The following DNAJC1 variants were observed in gnomAD, a reference collection of about 807,000 sequenced individuals.
The protein encoded by DNAJC1 is dnaJ homolog subfamily C member 1.
In DNAJC1, 58 loss-of-function variants were observed where a neutral mutation model predicts 76.6. The ratio of observed to expected loss-of-function variants is 0.76; its 90% CI spans 0.61 to 0.94. The LOEUF is 0.94. Ranked by LOEUF, DNAJC1 falls within the 40% of genes least tolerant of loss-of-function variation. The pLI is 0.00. For missense variants in DNAJC1, 689 were observed against 677.3 expected, an observed-to-expected ratio of 1.02 and a Z score of -0.19; for synonymous variants, 258 against 267.9, an observed-to-expected ratio of 0.96 and a Z score of 0.36.
At chr10:21,869,909 TC>T (rs1836074771) in intron 8 of DNAJC1, among the ~76,000 whole-genome samples, 1 of 152,058 alleles carries the variant, frequency 6.6e-6, no homozygotes, top group African/African-American at 2.4e-5. Flanking sequence ...TTCCCATCAA[TC>T]TATAATTTTA....
chr10:21,877,095 G>C (rs1345450092), intron 8 of DNAJC1, among the ~76,000 whole-genome samples: 7 of 151,986 alleles, frequency 4.6e-5, no homozygotes, highest in Non-Finnish European at 5.9e-5. Context: ...GCAGCACAGG[G>C]AGACCCAAAC....
At chr10:21,883,802 A>G (rs552781129) in intron 7 of DNAJC1, among the ~76,000 whole-genome samples, 1 of 152,346 alleles carries the variant, frequency 6.6e-6, no homozygotes, top group South Asian at 2.1e-4. Context: ...CCAGGAAAAG[A>G]TTCCAAATTC....
At chr10:21,799,864 A>T (rs142286293) in intron 9 of DNAJC1, among the ~76,000 whole-genome samples, 2 of 152,184 alleles carry the variant, frequency 1.3e-5, no homozygotes, top group African/African-American at 4.8e-5. Context: ...CTAGATTCAG[A>T]ACCATTTCCC....
chr10:21,891,064 C>A (rs1261958226), intron 7 of DNAJC1, among the ~76,000 whole-genome samples: 1 of 152,032 alleles, frequency 6.6e-6, no homozygotes, highest in Admixed American at 6.6e-5. Flanking sequence ...GTAGTGCATG[C>A]CTGTAATCCC....
At chr10:21,934,701 C>T (rs1008543712) in intron 1 of DNAJC1, among the ~76,000 whole-genome samples, 5 of 152,124 alleles carry the variant, frequency 3.3e-5, no homozygotes, top group African/African-American at 1.2e-4. Flanking sequence ...ATAGGTTATA[C>T]CATATAGCCT....
intron 3 of DNAJC1, among the ~76,000 whole-genome samples, chr10:21,926,853 T>C (rs979320861): frequency 2.6e-5 from 4 of 152,352 alleles, no homozygotes; most frequent in East Asian, 1.9e-4. Flanking sequence ...ATGTTATTTA[T>C]TAATAGATGA....
chr10:21,901,164 T>G (rs1836646404), intron 7 of DNAJC1, among the ~76,000 whole-genome samples: 1 of 152,222 alleles, frequency 6.6e-6, no homozygotes, highest in African/African-American at 2.4e-5. Context: ...TATTTCTCCA[T>G]ATTTAAATGA....
intron 1 of DNAJC1, among the ~76,000 whole-genome samples, chr10:21,970,594 T>C (rs747468438): frequency 5.3e-5 from 8 of 151,976 alleles, no homozygotes; most frequent in Non-Finnish European, 1.0e-4. Context: ...TTTTCCTTTG[T>C]AGACCTTGAC....
intron 3 of DNAJC1, among the ~76,000 whole-genome samples, chr10:21,927,034 T>A (rs1837139383): frequency 6.6e-6 from 1 of 152,212 alleles, no homozygotes; most frequent in Admixed American, 6.5e-5. Flanking sequence ...AAGCTACCTT[T>A]ACAGGCACAT....
chr10:21,972,670 T>C (rs1019891053), intron 1 of DNAJC1, among the ~76,000 whole-genome samples: 1 of 152,060 alleles, frequency 6.6e-6, no homozygotes, highest in Non-Finnish European at 1.5e-5. Flanking sequence ...ATTTGTCCAG[T>C]ATAAAACATT....
chr10:21,881,305 T>C (rs953329952), intron 8 of DNAJC1, among the ~76,000 whole-genome samples: 4 of 152,240 alleles, frequency 2.6e-5, no homozygotes, highest in African/African-American at 9.6e-5. Context: ...ACAGCACTTT[T>C]AATTTCCTTC....
intron 8 of DNAJC1, among the ~76,000 whole-genome samples, chr10:21,822,486 T>G (rs1835176884): frequency 6.6e-6 from 1 of 151,466 alleles, no homozygotes; most frequent in African/African-American, 2.4e-5. Flanking sequence ...AATAAATAAA[T>G]AAATACATGG....
At chr10:21,908,880 ATTTC>A (rs1242749241) in intron 6 of DNAJC1, among the ~76,000 whole-genome samples, 5 of 151,626 alleles carry the variant, frequency 3.3e-5, no homozygotes, top group East Asian at 1.9e-4. Context: ...AGTACTTAAA[ATTTC>A]TTTCTTTTTT....
intron 8 of DNAJC1, among the ~76,000 whole-genome samples, chr10:21,851,972 G>A (rs1325923476): frequency 1.3e-5 from 2 of 151,902 alleles, no homozygotes; most frequent in Non-Finnish European, 2.9e-5. Flanking sequence ...AGAATGGTGT[G>A]AACCCGGGAG....
rs781432147 is a variant in DNAJC1, at chr10:21,904,583, T to C, written c.759A>G (p.Lys253=). The change falls in exon 7 of 12, where the codon AAA becomes AAG. Residue 253 remains lysine, a synonymous_variant. Coordinates refer to ENST00000376980, the MANE Select transcript of DNAJC1 (RefSeq NM_022365.4). The stretch of plus-strand genomic sequence containing the variant: ...CTTCCTTTTCCTTCAATCTTGTTTC[T>C]TTATATTTAGCATAAAACTGCCCAG... ...QDAGQFYAKY[K]ETRLKEKEDA... is the part of the protein sequence containing the mutation. 5.0e-6 allele frequency: 8 copies of C among 1,607,274 alleles called. No individual in the cohort carries two copies. The highest frequency in any genetic ancestry group is 1.1e-5 in the South Asian group (1 of 89,302).
intron 1 of DNAJC1, among the ~76,000 whole-genome samples, chr10:21,988,768 AT>A (rs1282452270): frequency 7.2e-5 from 11 of 152,164 alleles, no homozygotes; most frequent in African/African-American, 2.7e-4. Flanking sequence ...TGTGAGTGAA[AT>A]ATATTTATAA....
At chr10:21,774,225 T>C (rs1485779600) in intron 9 of DNAJC1, among the ~76,000 whole-genome samples, 1 of 152,130 alleles carries the variant, frequency 6.6e-6, no homozygotes, top group South Asian at 2.1e-4. Flanking sequence ...GTAGTATAAT[T>C]CTAAGAAAAG....
rs1837547425 is a variant in DNAJC1, at chr10:21,948,752, T to C, written c.223-19611A>G. Among the ~76,000 whole-genome samples the C allele has an allele frequency of 2.0e-5, 3 of 152,196 alleles. No individual in the cohort carries two copies. The South Asian group carries it at 6.2e-4, about 32-fold the overall frequency. ...TAGTTTCAGCCATCCATTGGGATTTTAGAACGTATCCCCTACAGATAACGG... is the reference window on the plus strand; with the variant it reads ...TAGTTTCAGCCATCCATTGGGATTTCAGAACGTATCCCCTACAGATAACGG... On this transcript the variant is annotated intron_variant, in intron 1 of 11. Coordinates refer to ENST00000376980, the MANE Select transcript of DNAJC1 (RefSeq NM_022365.4).
At chr10:21,854,776 C>T (rs1274738241) in intron 8 of DNAJC1, among the ~76,000 whole-genome samples, 1 of 152,078 alleles carries the variant, frequency 6.6e-6, no homozygotes, top group Non-Finnish European at 1.5e-5. Context: ...AAAAGACCTA[C>T]TTTAAAGACT....
Sources: allele counts gnomAD v4.1 joint callset (sites outside exome capture counted in the v4.1 genomes callset), GRCh38; gene constraint gnomAD v4.1.1; transcripts MANE v1.5; gene names NCBI Gene and HGNC (gene_info 2026-07-23, HGNC 2026-07-21).